Variants in GRK1 observed in about 807,000 individuals in gnomAD.
GRK1 encodes rhodopsin kinase GRK1.
Under a neutral mutation model 41.7 loss-of-function variants are expected in GRK1, and 28 were observed. That is an observed-to-expected ratio of 0.67 (90% CI 0.50 to 0.92). The LOEUF (loss-of-function observed/expected upper bound fraction) is 0.92, where lower values mean the gene tolerates loss of function less well. Among genes scored for constraint, GRK1 ranks in the 40% least tolerant of loss-of-function variants. The pLI is 0.00. For missense variants in GRK1, 703 were observed against 671.2 expected (o/e 1.05, Z -0.52); for synonymous variants, 327 against 286.7 (o/e 1.14, Z -1.42).
chr13:113,734,072 G>A (rs1000607723), intron 6 of GRK1, among the ~76,000 whole-genome samples: 11 of 152,130 alleles, frequency 7.2e-5, no homozygotes, highest in Non-Finnish European at 1.0e-4. Flanking sequence ...ATGTGTGTGC[G>A]TGTATGTGTG....
At chr13:113,663,384 A>T (rs2049800889), upstream of GRK1, among the ~76,000 whole-genome samples, 1 of 152,262 alleles carries the variant, frequency 6.6e-6, no homozygotes, top group Non-Finnish European at 1.5e-5. Context: ...GTAAAACTAT[A>T]AAACTTTTAG....
At chr13:113,723,567 T>C (rs1190219371) in intron 4 of GRK1, among the ~76,000 whole-genome samples, 1 of 152,058 alleles carries the variant, frequency 6.6e-6, no homozygotes, top group East Asian at 1.9e-4. Flanking sequence ...AATGGTTACA[T>C]TCTTTTGAGT....
rs1217381659 is a variant in GRK1, at chr13:113,734,028, G to A, written c.1396+943G>A. On this transcript the variant is annotated intron_variant, in intron 6 of 6. Transcript: ENST00000335678. ...CGTGTGCGTGCATGTGTGTGCGTGCGTGTGCGTATGTGTGTGTGCATACGT... is the reference window on the plus strand; with the variant it reads ...CGTGTGCGTGCATGTGTGTGCGTGCATGTGCGTATGTGTGTGTGCATACGT... Among the ~76,000 whole-genome samples the A allele has an allele frequency of 8.3e-5, 10 of 120,082 alleles. 1 individual carries two copies. The highest frequency in any genetic ancestry group is 3.1e-4 in the Admixed American group (4 of 12,704). 78.8% of individuals were successfully genotyped at this position (120,082 alleles called of 152,430 possible). A position where few individuals can be genotyped will look rare whatever the true frequency, so the allele number is the denominator to read the frequency against.
chr13:113,652,125 C>T, the GRK1 span, among the ~76,000 whole-genome samples: 9 of 152,218 alleles, frequency 5.9e-5, no homozygotes, highest in African/African-American at 1.7e-4. Context: ...CCACCCGGGC[C>T]TTCAGCCCCC....
chr13:113,667,321 G>C lies in GRK1; in HGVS notation c.-66G>C. On this transcript the variant is annotated 5_prime_UTR_variant, in exon 1 of 7. Transcript: ENST00000335678. This position sits in a 1 kb window ranked among gnomAD's most constrained non-coding sequence, Gnocchi z 7.5. ...GGCAGCAGTCAGGCCTGCTCTGTCT[G>C]TGAACGCTCCCGGCTTGGCCTCGGC... is the stretch of plus-strand genomic sequence containing the variant. The C allele has an allele frequency of 6.9e-7, 1 of 1,441,806 alleles. No homozygotes were observed. Among genetic ancestry groups the C allele is most frequent in the East Asian group, 2.5e-5 (1 of 40,276 alleles). 89.3% of individuals were successfully genotyped at this position (1,441,806 alleles called of 1,614,324 possible).
chr13:113,670,120 C>T (rs113143901), intron 2 of GRK1, among the ~76,000 whole-genome samples: 40 of 152,298 alleles, frequency 2.6e-4, no homozygotes, highest in African/African-American at 9.1e-4. Flanking sequence ...TCGGCGGGGC[C>T]TCTGCAGGGC....
the GRK1 span, among the ~76,000 whole-genome samples, chr13:113,657,718 A>G: frequency 6.6e-6 from 1 of 152,244 alleles, no homozygotes; most frequent in Non-Finnish European, 1.5e-5. Flanking sequence ...TTTCAAAATG[A>G]TTCACTTTAG....
upstream of GRK1, among the ~76,000 whole-genome samples, chr13:113,662,244 A>C (rs532685292): frequency 1.3e-4 from 20 of 152,264 alleles, no homozygotes; most frequent in Admixed American, 2.6e-4. Context: ...GCAAAGAAAA[A>C]GCATTTGATG....
At chr13:113,655,103 A>C in the GRK1 span, among the ~76,000 whole-genome samples, 7 of 151,998 alleles carry the variant, frequency 4.6e-5, no homozygotes, top group African/African-American at 1.7e-4. Flanking sequence ...ACAAACAGTC[A>C]CTACAATCCC....
chr13:113,724,466 A>G (rs1453989158), intron 4 of GRK1, among the ~76,000 whole-genome samples: 1 of 152,050 alleles, frequency 6.6e-6, no homozygotes, highest in Non-Finnish European at 1.5e-5. Context: ...GGGTCCTCCC[A>G]TGCTGGTGTT....
the GRK1 span, chr13:113,658,189 C>G: frequency 6.4e-7 from 1 of 1,556,976 alleles, no homozygotes; most frequent in South Asian, 1.2e-5. Context: ...GCACCCTCTA[C>G]GCCCAGACTG....
chr13:113,723,250 G>C (rs967059680), intron 4 of GRK1, 93 bp downstream of exon 4: 1 of 614,726 alleles, frequency 1.6e-6, no homozygotes, highest in Non-Finnish European at 3.1e-6. Flanking sequence ...ATACATGTGA[G>C]TTTGTGTATA....
chr13:113,669,815 G>C lies in GRK1; in HGVS notation c.827+1G>C, dbSNP rs779379749. 5.6e-6 allele frequency: 9 copies of C among 1,613,830 alleles called. No individual in the cohort carries two copies. The South Asian group carries it at 8.8e-5, about 16-fold the overall frequency. ...CCATCATGAACGGAGGTGACATCAGGTAAGGGCTGGGCCAGAGGGCACGAG... is the reference window on the plus strand; with the variant it reads ...CCATCATGAACGGAGGTGACATCAGCTAAGGGCTGGGCCAGAGGGCACGAG... On this transcript the variant is annotated splice_donor_variant, in intron 2 of 6. Transcript: ENST00000335678. LOFTEE classifies it high-confidence loss of function.
At position 113,731,484 on chromosome 13, in the gene GRK1, G is replaced by C; in HGVS notation, c.1194+141G>C. On this transcript the variant is annotated intron_variant, in intron 5 of 6. Coordinates refer to ENST00000335678, the MANE Select transcript of GRK1 (RefSeq NM_002929.3). This position sits in a 1 kb window ranked among gnomAD's most constrained non-coding sequence, Gnocchi z 5.6. ...TGGGGTGGGGAGGGCACAGATTCACGTGCTGGGGTCTTGCTCCTGGGCCAT... is the reference window on the plus strand; with the variant it reads ...TGGGGTGGGGAGGGCACAGATTCACCTGCTGGGGTCTTGCTCCTGGGCCAT... The C allele has an allele frequency of 1.6e-6, 2 of 1,238,976 alleles. No homozygotes were observed. The highest frequency in any genetic ancestry group is 2.2e-6 in the Non-Finnish European group (2 of 908,104). The allele number at this position is 1,238,976 out of a possible 1,614,324, so 76.7% of individuals were successfully genotyped here.
Position 113,733,988 on chromosome 13 carries a change from GCATA to G in GRK1, c.1396+907_1396+910del, listed in dbSNP as rs570675847. 4.2e-3 allele frequency among the ~76,000 whole-genome samples: 561 copies of G among 133,906 alleles called. 14 individuals carry two copies. Among genetic ancestry groups the G allele is most frequent in the African/African-American group, 0.014 (541 of 37,362 alleles). The allele number at this position is 133,906 out of a possible 152,430, so 87.8% of individuals were successfully genotyped here. On this transcript the variant is annotated intron_variant, in intron 6 of 6. Transcript: ENST00000335678. ...TGTGTGCGTGTGTGCGCATGTGTGT[GCATA>G]CATGTGTGTGCGTGTGCGTGCATGT...
the GRK1 span, chr13:113,650,486 G>A: frequency 1.2e-6 from 2 of 1,613,646 alleles, no homozygotes; most frequent in Non-Finnish European, 1.7e-6. The surrounding 1 kb of genome is among the most constrained non-coding windows in gnomAD (Gnocchi z 5.0). Context: ...TGCAGCGGCT[G>A]GCCGAGCTCG....
chr13:113,654,776 C>T, the GRK1 span: 3 of 1,603,938 alleles, frequency 1.9e-6, no homozygotes, highest in African/African-American at 4.0e-5. Context: ...GCAGCCTGGC[C>T]TGTCACACGG....
the GRK1 span, among the ~76,000 whole-genome samples, chr13:113,659,724 C>G: frequency 6.6e-6 from 1 of 152,090 alleles, no homozygotes; most frequent in African/African-American, 2.4e-5. Flanking sequence ...TGAGCCCCTG[C>G]GCCCAGCCAT....
At position 113,732,998 on chromosome 13, in the gene GRK1, A is replaced by G. The variant is rs2049948572; in HGVS notation, c.1309A>G (p.Lys437Glu). The G allele has an allele frequency of 6.5e-7, 1 of 1,536,958 alleles. No homozygotes were observed. The highest frequency in any genetic ancestry group is 2.0e-5 in the Admixed American group (1 of 50,980). ...GGCGCTGCTGGAGAAGGACCCGGAG[A>G]AGCGCCTGGGGTTCAGAGATGAGAC... ...CEALLEKDPE[K>E]RLGFRDETCD... is the part of the protein sequence containing the mutation. Residue 437 changes from lysine (K) to glutamate (E), a missense_variant, in exon 6 of 7, where the codon AAG (lysine) becomes GAG (glutamate). Lys to Glu is a moderately conservative substitution (Grantham distance 56, BLOSUM62 1). Coordinates refer to ENST00000335678, the MANE Select transcript of GRK1 (RefSeq NM_002929.3).
Sources: gnomAD v4.1 joint callset for allele counts (sites outside exome capture counted in the v4.1 genomes callset) on GRCh38, gnomAD v4.1.1 for gene constraint, Gnocchi (gnomAD v3.1) non-coding constraint, MANE v1.5 for transcripts, NCBI Gene and HGNC (gene_info 2026-07-23, HGNC 2026-07-21) for gene names.